Variants in CCDC18 observed in about 807,000 individuals in gnomAD.
CCDC18 encodes the protein coiled-coil domain containing 18.
CCDC18 carries 157 observed loss-of-function variants against 196.0 expected under a neutral mutation model. The observed-to-expected ratio is 0.80, with a 90% CI of 0.70 to 0.91. The LOEUF is 0.91. Among genes scored for constraint, CCDC18 ranks in the 40% least tolerant of loss-of-function variants. CCDC18 has a pLI of 0.00. For missense variants in CCDC18, 1,465 were observed against 1,611.6 expected (o/e 0.91, Z 1.56); for synonymous variants, 482 against 529.2 (o/e 0.91, Z 1.22).
intron 28 of CCDC18, among the ~76,000 whole-genome samples, chr1:93,276,759 C>A (rs910848072): frequency 8.5e-5 from 13 of 152,108 alleles, no homozygotes; most frequent in Non-Finnish European, 1.5e-4. Flanking sequence ...TTATGTTAAA[C>A]TGCTTTTATA....
intron 6 of CCDC18, among the ~76,000 whole-genome samples, chr1:93,198,666 G>T (rs1653219877): frequency 6.6e-6 from 1 of 151,936 alleles, no homozygotes; most frequent in Non-Finnish European, 1.5e-5. Context: ...TTTTTTTAAA[G>T]AAATATGGTA....
chr1:93,191,146 C>T, intron 4 of CCDC18: 1 of 485,958 alleles, frequency 2.1e-6, no homozygotes, highest in Non-Finnish European at 3.8e-6. Flanking sequence ...TTTAGTTTCT[C>T]ACCTGTGGGA....
chr1:93,232,616 T>A (rs774179215), intron 18 of CCDC18, 23 bp downstream of exon 18: 2 of 1,486,410 alleles, frequency 1.3e-6, no homozygotes, highest in Admixed American at 2.2e-5. Flanking sequence ...AGCCCAAGAT[T>A]GTTTTATTTG....
At position 93,207,325 on chromosome 1, in the gene CCDC18, AT is replaced by A; in HGVS notation, c.1139del (p.Leu380TyrfsTer11). 1 of 1,613,298 alleles carries A rather than the reference AT, an allele frequency of 6.2e-7. No homozygotes were observed. The highest frequency in any genetic ancestry group is 8.5e-7 in the Non-Finnish European group (1 of 1,179,538). On this transcript the variant is annotated frameshift_variant, in exon 9 of 29. Coordinates refer to ENST00000690025, the MANE Select transcript of CCDC18 (RefSeq NM_001378204.1). LOFTEE classifies it high-confidence loss of function. ...GTTGCAGCACAGAATGAGCGACTAG[AT>A]TTATGTCAACAAGAAATTGAAAGTT... is the stretch of plus-strand genomic sequence containing the variant. ...VRVAAQNERL[D>X]LCQQEIESSR...
In CCDC18 at chr1:93,226,313, T is replaced by TGA; in HGVS notation, c.2176-20_2176-19insGA. ...ATCGTTTTGTGTTTTTTTTTTTTTT[T>TGA]TGCTTTTTTTCCTGCTTAGGTTAGG... On this transcript the variant is annotated intron_variant, in intron 16 of 28. Coordinates refer to ENST00000690025, the MANE Select transcript of CCDC18 (RefSeq NM_001378204.1). 3 of 934,360 alleles carry TGA rather than the reference T, an allele frequency of 3.2e-6. No homozygotes were observed. Among genetic ancestry groups the TGA allele is most frequent in the Non-Finnish European group, 4.8e-6 (3 of 622,848 alleles). 57.9% of individuals were successfully genotyped at this position (934,360 alleles called of 1,614,324 possible). A position where few individuals can be genotyped will look rare whatever the true frequency, so the allele number is the denominator to read the frequency against.
intron 23 of CCDC18, among the ~76,000 whole-genome samples, chr1:93,254,197 G>T (rs1346507060): frequency 6.6e-6 from 1 of 151,924 alleles, no homozygotes; most frequent in Admixed American, 6.6e-5. Flanking sequence ...AAGTAGTTTT[G>T]GTTACATAGA....
At chr1:93,270,158 G>GTAAT (rs1326055917) in intron 27 of CCDC18, among the ~76,000 whole-genome samples, 189 bp from the exon 28 acceptor site, 1 of 152,214 alleles carries the variant, frequency 6.6e-6, no homozygotes, top group East Asian at 1.9e-4. Flanking sequence ...AGGAATATGT[G>GTAAT]TAATTTTCCC....
chr1:93,186,606 T>C (rs28502097), intron 4 of CCDC18, 103 bp downstream of exon 4: 15 of 827,502 alleles, frequency 1.8e-5, no homozygotes, highest in African/African-American at 1.0e-4. Context: ...TAATGTGTTA[T>C]GGGAAGTAAT....
At chr1:93,200,105 C>T (rs1653565296) in intron 6 of CCDC18, among the ~76,000 whole-genome samples, 1 of 152,082 alleles carries the variant, frequency 6.6e-6, no homozygotes, top group Non-Finnish European at 1.5e-5. Context: ...CTGCCTCAGC[C>T]TCTAGAGTAG....
At chr1:93,238,431 T>A (rs1362794397) in intron 19 of CCDC18, among the ~76,000 whole-genome samples, 1 of 152,168 alleles carries the variant, frequency 6.6e-6, no homozygotes, top group Non-Finnish European at 1.5e-5. Flanking sequence ...ATAGTTTTCC[T>A]TAAGTTTACT....
intron 16 of CCDC18, among the ~76,000 whole-genome samples, chr1:93,224,114 CA>C (rs1223961331): frequency 2.0e-5 from 3 of 151,950 alleles, no homozygotes; most frequent in Non-Finnish European, 4.4e-5. Context: ...TTCAAGCCCA[CA>C]AAAAATTGAA....
chr1:93,230,453 C>T (rs886469281), intron 17 of CCDC18, among the ~76,000 whole-genome samples: 1 of 151,112 alleles, frequency 6.6e-6, no homozygotes, highest in South Asian at 2.1e-4. Flanking sequence ...GATCGCATCA[C>T]TGCACTCCAG....
intron 21 of CCDC18, among the ~76,000 whole-genome samples, chr1:93,242,642 C>G (rs148750393): frequency 5.7e-4 from 87 of 152,338 alleles, no homozygotes; most frequent in Middle Eastern, 3.4e-3. Flanking sequence ...AAAGTCTCAT[C>G]TGAGACAAGG....
chr1:93,236,188 A>G, intron 18 of CCDC18, 60 bp from the exon 19 acceptor site: 1 of 1,352,432 alleles, frequency 7.4e-7, no homozygotes, highest in Non-Finnish European at 1.0e-6. Context: ...GCTAGGTTAC[A>G]TATTTATAAA....
intron 19 of CCDC18, among the ~76,000 whole-genome samples, chr1:93,238,549 AAAC>A (rs1236674439): frequency 6.6e-6 from 1 of 152,234 alleles, no homozygotes; most frequent in East Asian, 1.9e-4. Context: ...TTCAAAGATC[AAAC>A]AACAGAAAGT....
chr1:93,235,527 A>G (rs578127916), intron 18 of CCDC18, among the ~76,000 whole-genome samples: 45 of 152,352 alleles, frequency 3.0e-4, no homozygotes, highest in African/African-American at 1.1e-3. Flanking sequence ...GAAGTGAGAC[A>G]GTGATACAAC....
At chr1:93,210,981 T>G (rs905785887) in intron 10 of CCDC18, 55 bp downstream of exon 10, 3 of 1,583,388 alleles carry the variant, frequency 1.9e-6, no homozygotes, top group Non-Finnish European at 2.6e-6. Flanking sequence ...TATTGGTAAT[T>G]AAGACCCTTA....
At chr1:93,223,849 T>G (rs1316596461) in intron 16 of CCDC18, among the ~76,000 whole-genome samples, 3 of 151,862 alleles carry the variant, frequency 2.0e-5, no homozygotes, top group Non-Finnish European at 2.9e-5. Context: ...CTGAGGAGCT[T>G]CTTTGGTTCA....
At chr1:93,185,253 G>A (rs888560767) in intron 3 of CCDC18, among the ~76,000 whole-genome samples, 2 of 151,690 alleles carry the variant, frequency 1.3e-5, no homozygotes, top group Non-Finnish European at 3.0e-5. Context: ...ATTGGGTACG[G>A]GTACATTGCC....
Sources: gnomAD v4.1 joint callset for allele counts (sites outside exome capture counted in the v4.1 genomes callset) on GRCh38, gnomAD v4.1.1 for gene constraint, MANE v1.5 for transcripts, NCBI Gene and HGNC (gene_info 2026-07-23, HGNC 2026-07-21) for gene names.